The following AVPR1A variants were observed in gnomAD, a reference collection of about 807,000 sequenced individuals.
AVPR1A encodes the protein vasopressin V1a receptor.
Under a neutral mutation model 31.5 loss-of-function variants are expected in AVPR1A, and 31 were observed. The ratio of observed to expected loss-of-function variants is 0.99; its 90% CI spans 0.74 to 1.33. The LOEUF (loss-of-function observed/expected upper bound fraction) is 1.33, where lower values mean the gene tolerates loss of function less well. AVPR1A is among the 40% of genes most tolerant of loss of function. AVPR1A has a pLI of 0.00. For missense variants in AVPR1A, 570 were observed against 575.2 expected, an observed-to-expected ratio of 0.99 and a Z score of 0.09; for synonymous variants, 243 against 233.2, an observed-to-expected ratio of 1.04 and a Z score of -0.38.
At position 63,147,189 on chromosome 12, in the gene AVPR1A, G is replaced by A. The variant is rs1868370778; in HGVS notation, c.*170C>T. 1 of 722,054 alleles carries A rather than the reference G, an allele frequency of 1.4e-6. No homozygotes were observed. Among genetic ancestry groups the A allele is most frequent in the South Asian group, 2.1e-5 (1 of 47,054 alleles). 44.7% of individuals were successfully genotyped at this position (722,054 alleles called of 1,614,324 possible). Reference sequence around the variant, plus strand: ...CCATTAATATTCCATACAAAATAATGTCTAGTTTTTGGTAGCAATATGAAA... The same window carrying A: ...CCATTAATATTCCATACAAAATAATATCTAGTTTTTGGTAGCAATATGAAA... On this transcript the variant is annotated 3_prime_UTR_variant, in exon 2 of 2. Transcript: ENST00000299178.
rs1467427445 is a variant in AVPR1A at position 63,150,686 on chromosome 12, C to T, written c.151G>A (p.Ala51Thr). 6.2e-7 allele frequency: 1 copy of T among 1,607,904 alleles called. No homozygotes were observed. Among genetic ancestry groups the T allele is most frequent in the Non-Finnish European group, 8.5e-7 (1 of 1,179,856 alleles). Residue 51 changes from alanine to threonine, a missense_variant, in exon 1 of 2, where the codon GCC becomes ACC. By Grantham distance (58) the Ala-to-Thr change is moderately conservative. Transcript: ENST00000299178. The surrounding 1 kb of genome is among the most constrained non-coding windows in gnomAD (Gnocchi z 4.9). ...PPRDVRNEEL[A>T]KLEIAVLAVT... ...GCCAGCACGGCGATCTCCAGTTTGG[C>T]CAGCTCCTCGTTGCGCACGTCCCTC...
chr12:63,149,961 C>T lies in AVPR1A; in HGVS notation c.876G>A (p.Met292Ile). Reference protein sequence around the residue: ...ISRAKIRTVKMTFVIVTAYIV... With the variant: ...ISRAKIRTVKITFVIVTAYIV... ...TGTAAGCCGTCACGATCACAAAAGT[C>T]ATCTTCACCGTGCGGATCTTGGCCC... The change falls in exon 1 of 2, where the codon ATG becomes ATA. Residue 292 changes from methionine (M) to isoleucine (I), a missense_variant. Met to Ile is a conservative substitution (Grantham distance 10). Transcript: ENST00000299178. 2 of 1,614,130 alleles carry T rather than the reference C, an allele frequency of 1.2e-6. No individual in the cohort carries two copies. Among genetic ancestry groups the T allele is most frequent in the Non-Finnish European group, 1.7e-6 (2 of 1,180,030 alleles).
chr12:63,150,914 T>C lies in AVPR1A; in HGVS notation c.-78A>G. 2 of 1,439,628 alleles carry C rather than the reference T, an allele frequency of 1.4e-6. No homozygotes were observed. Among genetic ancestry groups the C allele is most frequent in the Non-Finnish European group, 1.8e-6 (2 of 1,102,832 alleles). 89.2% of individuals were successfully genotyped at this position (1,439,628 alleles called of 1,614,324 possible). On this transcript the variant is annotated 5_prime_UTR_variant, in exon 1 of 2. Transcript: ENST00000299178. This position sits in a 1 kb window ranked among gnomAD's most constrained non-coding sequence, Gnocchi z 4.9. ...CCGCTCCCTCCCCGTCTCGGAGGAC[T>C]TGGGCTCCTCGTCCGAAGCGCAGGG...
Position 63,150,593 on chromosome 12 carries a change from T to G in AVPR1A, c.244A>C (p.Lys82Gln). Residue 82 changes from lysine (K) to glutamine (Q), a missense_variant, in exon 1 of 2, where the codon AAG (lysine) becomes CAG (glutamine). Lys to Gln is a moderately conservative substitution (Grantham distance 53). Coordinates refer to ENST00000299178, the MANE Select transcript of AVPR1A (RefSeq NM_000706.5). The surrounding 1 kb of genome is among the most constrained non-coding windows in gnomAD (Gnocchi z 4.9). ...ATGAAGAGGTGCATGCGGGACGTCT[T>G]GCGCGGCGTCCGGTGCAGAGCCAGC... ...VLLALHRTPR[K>Q]TSRMHLFIRH... 6.2e-7 allele frequency: 1 copy of G among 1,610,974 alleles called. No individual in the cohort carries two copies. The highest frequency in any genetic ancestry group is 8.5e-7 in the Non-Finnish European group (1 of 1,179,842).
In AVPR1A at chr12:63,150,627, G is replaced by A. The variant is rs1278390216; in HGVS notation, c.210C>T (p.Ser70=). ...TCCGGTGCAGAGCCAGCAGTACGCT[G>A]CTGTTGCCCAGCACGGCCACCGCGA... is the stretch of plus-strand genomic sequence containing the variant. The part of the protein sequence containing the change: ...VTFAVAVLGN[S]SVLLALHRTP... The change falls in exon 1 of 2, where the codon AGC becomes AGT. Residue 70 remains serine (S), a synonymous_variant. Transcript: ENST00000299178. The surrounding 1 kb of genome is among the most constrained non-coding windows in gnomAD (Gnocchi z 4.9). 1 of 1,609,736 alleles carries A rather than the reference G, an allele frequency of 6.2e-7. No homozygotes were observed. The highest frequency in any genetic ancestry group is 2.2e-5 in the East Asian group (1 of 44,852).
Position 63,150,109 on chromosome 12 carries a change from A to G in AVPR1A, c.728T>C (p.Ile243Thr), listed in dbSNP as rs1457203008. 1 of 1,613,984 alleles carries G rather than the reference A, an allele frequency of 6.2e-7. No individual in the cohort carries two copies. The highest frequency in any genetic ancestry group is 8.5e-7 in the Non-Finnish European group (1 of 1,180,016). ...CGTCTTCCCGCGGACGTTGCACCAG[A>G]TGTTGTAGCAGATGAAGCCGTAGCA... ...GTCYGFICYNIWCNVRGKTAS... is the reference protein window; with the variant it reads ...GTCYGFICYNTWCNVRGKTAS... Residue 243 changes from isoleucine to threonine, a missense_variant, in exon 1 of 2, where the codon ATC (isoleucine) becomes ACC (threonine). Physicochemically the swap from Ile to Thr is moderately conservative, Grantham distance 89. Transcript: ENST00000299178. This position sits in a 1 kb window ranked among gnomAD's most constrained non-coding sequence, Gnocchi z 4.9.
rs375549087 is a variant in AVPR1A, at chr12:63,150,410, C to T, written c.427G>A (p.Val143Ile). The change falls in exon 1 of 2, where the codon GTA becomes ATA. Residue 143 changes from valine to isoleucine, a missense_variant. Physicochemically the swap from Val to Ile is conservative, Grantham distance 29. Transcript: ENST00000299178. This position sits in a 1 kb window ranked among gnomAD's most constrained non-coding sequence, Gnocchi z 4.9. ...ATGTAGCGGTCGGCTGTCATGACTA[C>T]CAGCATGTAGGCCGACGCAAACATG... ...FGMFASAYMLVVMTADRYIAV... is the reference protein window; with the variant it reads ...FGMFASAYMLIVMTADRYIAV... The T allele has an allele frequency of 1.2e-5, 19 of 1,613,840 alleles. No individual in the cohort carries two copies. The South Asian group carries it at 2.0e-4, about 17-fold the overall frequency.
Position 63,143,242 on chromosome 12 carries a change from A to T in AVPR1A, c.*4117T>A, listed in dbSNP as rs961224344. The T allele has an allele frequency of 6.6e-6, 1 of 152,038 alleles. No homozygotes were observed. Among genetic ancestry groups the T allele is most frequent in the Non-Finnish European group, 1.5e-5 (1 of 67,964 alleles). The allele number at this position is 152,038 out of a possible 1,614,324, so 9.4% of individuals were successfully genotyped here. On this transcript the variant is annotated 3_prime_UTR_variant, in exon 2 of 2. Transcript: ENST00000299178. ...TGACCATGGAACACAAAAATATTTC[A>T]TTCATTTTATAATACTTTGTTTTAA...
rs1194919524 is a variant in AVPR1A, at chr12:63,143,270, ATTAT to A, written c.*4085_*4088del. 1.3e-5 allele frequency: 2 copies of A among 152,058 alleles called. No homozygotes were observed. The highest frequency in any genetic ancestry group is 2.9e-5 in the Non-Finnish European group (2 of 67,972). 9.4% of individuals were successfully genotyped at this position (152,058 alleles called of 1,614,324 possible). ...CATTTTATAATACTTTGTTTTAATT[ATTAT>A]TTAGAACATAAATCAATGTAAAAAT... On this transcript the variant is annotated 3_prime_UTR_variant, in exon 2 of 2. Coordinates refer to ENST00000299178, the MANE Select transcript of AVPR1A (RefSeq NM_000706.5).
rs1204918140 is a variant in AVPR1A at position 63,145,200 on chromosome 12, A to G, written c.*2159T>C. 9.8e-6 allele frequency: 3 copies of G among 307,228 alleles called. No homozygotes were observed. The highest frequency in any genetic ancestry group is 4.4e-5 in the Admixed American group (1 of 22,630). 19.0% of individuals were successfully genotyped at this position (307,228 alleles called of 1,614,324 possible). A position where few individuals can be genotyped will look rare whatever the true frequency, so the allele number is the denominator to read the frequency against. On this transcript the variant is annotated 3_prime_UTR_variant, in exon 2 of 2. Transcript: ENST00000299178. ...TAAGAGACATATTTGTTATTTTTAG[A>G]AAGAAGAATTTGAAAACCTAGGGAG...
In AVPR1A at chr12:63,147,563, A is replaced by G. The variant is rs1868377354; in HGVS notation, c.1053T>C (p.Phe351=). Residue 351 remains phenylalanine (F), a synonymous_variant, in exon 2 of 2, where the codon TTT becomes TTC. Coordinates refer to ENST00000299178, the MANE Select transcript of AVPR1A (RefSeq NM_000706.5). ...CACAGTCTTGAAGGAGATGGCCACT[A>G]AAAAACATGTATATCCAGGGATTAC... is the stretch of plus-strand genomic sequence containing the variant. The part of the protein sequence containing the change: ...SCCNPWIYMF[F]SGHLLQDCVQ... 2.5e-6 allele frequency: 4 copies of G among 1,614,164 alleles called. No homozygotes were observed. The highest frequency in any genetic ancestry group is 3.3e-4 in the Middle Eastern group (2 of 6,062).
chr12:63,145,399 A>G lies in AVPR1A; in HGVS notation c.*1960T>C, dbSNP rs1279969176. On this transcript the variant is annotated 3_prime_UTR_variant, in exon 2 of 2. Transcript: ENST00000299178. ...CTCATTTTCTTATCTACAAAGGTAA[A>G]AAAAGAAACTCAATAATACTATTAA... 8.8e-6 allele frequency: 4 copies of G among 455,130 alleles called. No homozygotes were observed. The highest frequency in any genetic ancestry group is 4.4e-6 in the Non-Finnish European group (1 of 226,662). 28.2% of individuals were successfully genotyped at this position (455,130 alleles called of 1,614,324 possible). A position where few individuals can be genotyped will look rare whatever the true frequency, so the allele number is the denominator to read the frequency against.
rs1361130224 is a variant in AVPR1A at position 63,146,293 on chromosome 12, C to T, written c.*1066G>A. ...ACAGAGCAGTTCTCTTTCCATCTGT[C>T]ACCCATGTCCCAACCCTGTCTCATC... is the stretch of plus-strand genomic sequence containing the variant. On this transcript the variant is annotated 3_prime_UTR_variant, in exon 2 of 2. Coordinates refer to ENST00000299178, the MANE Select transcript of AVPR1A (RefSeq NM_000706.5). 6.6e-6 allele frequency: 1 copy of T among 152,174 alleles called. No homozygotes were observed. The highest frequency in any genetic ancestry group is 1.5e-5 in the Non-Finnish European group (1 of 68,028). 9.4% of individuals were successfully genotyped at this position (152,174 alleles called of 1,614,324 possible).
chr12:63,143,686 A>T lies in AVPR1A; in HGVS notation c.*3673T>A, dbSNP rs1868337181. On this transcript the variant is annotated 3_prime_UTR_variant, in exon 2 of 2. Coordinates refer to ENST00000299178, the MANE Select transcript of AVPR1A (RefSeq NM_000706.5). ...GAGTAGTACCAAAAGGGCTGGATGG[A>T]GGGGGTGGGCAGGGATACAGTGGCT... is the stretch of plus-strand genomic sequence containing the variant. 1 of 150,584 alleles carries T rather than the reference A, an allele frequency of 6.6e-6. No individual in the cohort carries two copies. Among genetic ancestry groups the T allele is most frequent in the Non-Finnish European group, 1.5e-5 (1 of 67,598 alleles). 9.3% of individuals were successfully genotyped at this position (150,584 alleles called of 1,614,324 possible). A position where few individuals can be genotyped will look rare whatever the true frequency, so the allele number is the denominator to read the frequency against.
Position 63,143,579 on chromosome 12 carries a change from G to A in AVPR1A, c.*3780C>T, listed in dbSNP as rs1592330644. 1 of 152,196 alleles carries A rather than the reference G, an allele frequency of 6.6e-6. No individual in the cohort carries two copies. The highest frequency in any genetic ancestry group is 1.5e-5 in the Non-Finnish European group (1 of 68,042). The allele number at this position is 152,196 out of a possible 1,614,324, so 9.4% of individuals were successfully genotyped here. The stretch of plus-strand genomic sequence containing the variant: ...TCCTAAATTTTGGCTCAAATCGGCT[G>A]AGGTCCAATTCTAACGGAGAATCAT... On this transcript the variant is annotated 3_prime_UTR_variant, in exon 2 of 2. Transcript: ENST00000299178.
At chr12:63,149,725 CT>C in intron 1 of AVPR1A, 141 bp downstream of exon 1, 2 of 1,274,190 alleles carry the variant, frequency 1.6e-6, no homozygotes, top group East Asian at 5.0e-5. Context: ...TTAAAAACTA[CT>C]GCCCTAGAAG....
chr12:63,149,788 T>TCACACACA (rs1565878709), intron 1 of AVPR1A, 79 bp downstream of exon 1: 3 of 1,472,974 alleles, frequency 2.0e-6, no homozygotes, highest in Admixed American at 2.2e-5. Context: ...TCTCTCTCTC[T>TCACACACA]CTCTCTCTCT....
chr12:63,145,837 C>T lies in AVPR1A; in HGVS notation c.*1522G>A, dbSNP rs1403093581. The T allele has an allele frequency of 6.6e-6, 1 of 152,614 alleles. No individual in the cohort carries two copies. The highest frequency in any genetic ancestry group is 1.5e-5 in the Non-Finnish European group (1 of 68,376). The allele number at this position is 152,614 out of a possible 1,614,324, so 9.5% of individuals were successfully genotyped here. ...GGAAAAAATTGATGCTTGTGGGTGG[C>T]TTTGATCTACCTGCATTCAAAGAAA... On this transcript the variant is annotated 3_prime_UTR_variant, in exon 2 of 2. Coordinates refer to ENST00000299178, the MANE Select transcript of AVPR1A (RefSeq NM_000706.5).
At chr12:63,148,397 T>C (rs1868390460) in intron 1 of AVPR1A, among the ~76,000 whole-genome samples, 1 of 152,154 alleles carries the variant, frequency 6.6e-6, no homozygotes, top group South Asian at 2.1e-4. Flanking sequence ...GACTTTTCCT[T>C]GATTATTAAA....
Sources: allele counts gnomAD v4.1 joint callset (sites outside exome capture counted in the v4.1 genomes callset), GRCh38; gene constraint gnomAD v4.1.1; non-coding constraint Gnocchi (gnomAD v3.1); transcripts MANE v1.5; gene names NCBI Gene and HGNC (gene_info 2026-07-23, HGNC 2026-07-21).